The following SLC44A5 variants were observed in gnomAD, a reference collection of about 807,000 sequenced individuals.
SLC44A5 encodes choline transporter-like protein 5.
In SLC44A5, 57 loss-of-function variants were observed where a neutral mutation model predicts 101.8. The ratio of observed to expected loss-of-function variants is 0.56; its 90% CI spans 0.45 to 0.70. The LOEUF (loss-of-function observed/expected upper bound fraction) is 0.70, where lower values mean the gene tolerates loss of function less well. SLC44A5 is among the 30% of genes least tolerant of loss of function. The pLI is 0.00. For missense variants in SLC44A5, 737 were observed against 853.1 expected, an observed-to-expected ratio of 0.86 and a Z score of 1.70; for synonymous variants, 281 against 290.9, an observed-to-expected ratio of 0.97 and a Z score of 0.35.
chr1:75,404,172 C>T lies in SLC44A5; in HGVS notation c.14-7551G>A, dbSNP rs564840362. Among the ~76,000 whole-genome samples the T allele has an allele frequency of 2.9e-4, 44 of 152,100 alleles. 1 individual carries two copies. Among genetic ancestry groups the T allele is most frequent in the African/African-American group, 8.2e-4 (34 of 41,534 alleles). On this transcript the variant is annotated intron_variant, in intron 2 of 23. Transcript: ENST00000370859. ...AGACAAAAGAATGAAGAGGAATGAACAAAGCCTCCAAGAAATATGGGACTA... is the reference window on the plus strand; with the variant it reads ...AGACAAAAGAATGAAGAGGAATGAATAAAGCCTCCAAGAAATATGGGACTA...
intron 6 of SLC44A5, among the ~76,000 whole-genome samples, chr1:75,272,346 A>G (rs1651549870): frequency 6.9e-6 from 1 of 143,950 alleles, no homozygotes; most frequent in Non-Finnish European, 1.5e-5. Context: ...TTTTTTTTAG[A>G]CTTGTAATAT....
rs531448551 is a variant in SLC44A5 at position 75,405,790 on chromosome 1, A to T, written c.14-9169T>A. On this transcript the variant is annotated intron_variant, in intron 2 of 23. Transcript: ENST00000370859. ...AAATCAGCACCCTAACATCACAATTAAACGAACTAGAGAAGCAAGAGCAAA... is the reference window on the plus strand; with the variant it reads ...AAATCAGCACCCTAACATCACAATTTAACGAACTAGAGAAGCAAGAGCAAA... Among the ~76,000 whole-genome samples, 19 of 148,858 alleles carry T rather than the reference A, an allele frequency of 1.3e-4. No homozygotes were observed. In the South Asian group the frequency reaches 3.8e-3, roughly 30 times the overall value.
chr1:75,667,695 A>G, the SLC44A5 span, among the ~76,000 whole-genome samples: 8 of 152,334 alleles, frequency 5.3e-5, no homozygotes, highest in East Asian at 1.2e-3. Context: ...CTGAAAGAAT[A>G]CACAAGAAAC....
intron 2 of SLC44A5, among the ~76,000 whole-genome samples, chr1:75,410,619 A>G (rs1663212965): frequency 6.6e-6 from 1 of 152,090 alleles, no homozygotes; most frequent in South Asian, 2.1e-4. Context: ...GGTGTGTGGC[A>G]GGGGAGCTGA....
At chr1:75,466,994 T>C (rs1030087212) in intron 2 of SLC44A5, among the ~76,000 whole-genome samples, 8 of 152,114 alleles carry the variant, frequency 5.3e-5, no homozygotes, top group Non-Finnish European at 1.0e-4. Context: ...AGTTGCAAGA[T>C]ACAAAATCAA....
At chr1:75,619,869 C>T in the SLC44A5 span, among the ~76,000 whole-genome samples, 3 of 152,142 alleles carry the variant, frequency 2.0e-5, no homozygotes, top group Non-Finnish European at 2.9e-5. Flanking sequence ...TTCTGGGATA[C>T]ATGTGCAGAA....
intron 4 of SLC44A5, among the ~76,000 whole-genome samples, chr1:75,322,189 G>A (rs1043365936): frequency 6.6e-6 from 1 of 152,144 alleles, no homozygotes; most frequent in Non-Finnish European, 1.5e-5. Context: ...GCACATGCCT[G>A]TAGTCCCAGC....
At chr1:75,291,645 A>T (rs1448303092) in intron 5 of SLC44A5, among the ~76,000 whole-genome samples, 12 of 152,140 alleles carry the variant, frequency 7.9e-5, no homozygotes. Context: ...AACAACATGG[A>T]CAAAGGGCCT....
At chr1:75,574,172 TG>T (rs1412425195) in intron 1 of SLC44A5, among the ~76,000 whole-genome samples, 1 of 152,242 alleles carries the variant, frequency 6.6e-6, no homozygotes, top group Non-Finnish European at 1.5e-5. Context: ...GTTCCCCCTG[TG>T]GCTTATCCTA....
At chr1:75,698,070 T>G in the SLC44A5 span, among the ~76,000 whole-genome samples, 1 of 152,210 alleles carries the variant, frequency 6.6e-6, no homozygotes, top group Non-Finnish European at 1.5e-5. Flanking sequence ...GCAGTGAGGC[T>G]GGGAGAGGGG....
At chr1:75,599,377 G>A (rs1674839146) in intron 1 of SLC44A5, among the ~76,000 whole-genome samples, 1 of 152,108 alleles carries the variant, frequency 6.6e-6, no homozygotes, top group Non-Finnish European at 1.5e-5. Context: ...CAGAACAATT[G>A]GAGACAGAAG....
chr1:75,679,430 A>C, the SLC44A5 span, among the ~76,000 whole-genome samples: 1 of 152,244 alleles, frequency 6.6e-6, no homozygotes, highest in Non-Finnish European at 1.5e-5. Context: ...GAACCCCTAC[A>C]AGCCAGAAGA....
At chr1:75,639,029 G>T in the SLC44A5 span, among the ~76,000 whole-genome samples, 1 of 152,020 alleles carries the variant, frequency 6.6e-6, no homozygotes, top group African/African-American at 2.4e-5. Flanking sequence ...GTAGATGAGT[G>T]ATTTCCACGG....
the SLC44A5 span, among the ~76,000 whole-genome samples, chr1:75,695,850 C>CAT: frequency 5.4e-5 from 8 of 148,982 alleles, no homozygotes; most frequent in Non-Finnish European, 7.4e-5. Flanking sequence ...GTATTCATAA[C>CAT]ATATATATAA....
At chr1:75,541,603 A>C (rs1004245964) in intron 1 of SLC44A5, 87 bp from the exon 2 acceptor site, 4 of 771,598 alleles carry the variant, frequency 5.2e-6, no homozygotes, top group Non-Finnish European at 2.0e-6. Context: ...TGCTCTCATA[A>C]CTTACTATAA....
chr1:75,713,117 C>G, the SLC44A5 span, among the ~76,000 whole-genome samples: 2 of 152,208 alleles, frequency 1.3e-5, no homozygotes, highest in African/African-American at 4.8e-5. Flanking sequence ...TTCAAACTCA[C>G]TAGGCATGCC....
chr1:75,408,407 TGC>T (rs1663046862), intron 2 of SLC44A5, among the ~76,000 whole-genome samples: 1 of 152,168 alleles, frequency 6.6e-6, no homozygotes, highest in Non-Finnish European at 1.5e-5. Context: ...TAAAGACACA[TGC>T]ACACATATGT....
intron 3 of SLC44A5, among the ~76,000 whole-genome samples, chr1:75,373,794 TC>T (rs1288531633): frequency 3.3e-5 from 5 of 151,332 alleles, no homozygotes; most frequent in African/African-American, 9.7e-5. Context: ...GGAGTTAAAC[TC>T]CCCCAGCACA....
At chr1:75,585,249 T>C (rs1673928346) in intron 1 of SLC44A5, among the ~76,000 whole-genome samples, 1 of 152,258 alleles carries the variant, frequency 6.6e-6, no homozygotes, top group South Asian at 2.1e-4. Context: ...CACACTTTTT[T>C]CTGGTAGATC....
Sources: allele counts gnomAD v4.1 joint callset (sites outside exome capture counted in the v4.1 genomes callset), GRCh38; gene constraint gnomAD v4.1.1; transcripts MANE v1.5; gene names NCBI Gene and HGNC (gene_info 2026-07-23, HGNC 2026-07-21).